Variants in TRPC6 observed in about 807,000 individuals in gnomAD.
TRPC6 encodes short transient receptor potential channel 6.
Under a neutral mutation model 90.7 loss-of-function variants are expected in TRPC6, and 55 were observed. The observed-to-expected ratio is 0.61, with a 90% CI of 0.49 to 0.76. The LOEUF (loss-of-function observed/expected upper bound fraction) is 0.76. Among genes scored for constraint, TRPC6 ranks in the 30% least tolerant of loss-of-function variants. The pLI, the probability that TRPC6 is intolerant of heterozygous loss-of-function variation, is 0.00. For synonymous variants in TRPC6, 393 were observed against 393.0 expected (o/e 1.00, Z 0.00); for missense variants, 989 against 1,122.7 (o/e 0.88, Z 1.70).
intron 1 of TRPC6, among the ~76,000 whole-genome samples, chr11:101,575,698 G>A (rs568632108): frequency 6.6e-6 from 1 of 152,294 alleles, no homozygotes; most frequent in South Asian, 2.1e-4. Flanking sequence ...AATGAAAGAA[G>A]TGAGATATAA....
chr11:101,508,930 A>C (rs1175776090), intron 1 of TRPC6, among the ~76,000 whole-genome samples: 1 of 152,160 alleles, frequency 6.6e-6, no homozygotes, highest in East Asian at 1.9e-4. Context: ...TTCAGAGGTA[A>C]TTGAAATTAT....
Position 101,453,047 on chromosome 11 carries a change from T to C in TRPC6, c.2704A>G (p.Lys902Glu). 2 of 1,613,952 alleles carry C rather than the reference T, an allele frequency of 1.2e-6. No homozygotes were observed. The highest frequency in any genetic ancestry group is 1.1e-5 in the South Asian group (1 of 91,086). ...SSLRYELLEE[K>E]SQNTEDLAEL... Reference sequence around the variant, plus strand: ...GCTAGGTCTTCTGTATTCTGAGATTTTTCTTCAAGGAGTTCATAGCGGAGA... The same window carrying C: ...GCTAGGTCTTCTGTATTCTGAGATTCTTCTTCAAGGAGTTCATAGCGGAGA... Residue 902 changes from lysine to glutamate, a missense_variant, in exon 13 of 13, where the codon AAA becomes GAA. Physicochemically the swap from Lys to Glu is moderately conservative, Grantham distance 56 (BLOSUM62 1). Coordinates refer to ENST00000344327, the MANE Select transcript of TRPC6 (RefSeq NM_004621.6).
intron 12 of TRPC6, 98 bp downstream of exon 12, chr11:101,453,552 T>G: frequency 8.6e-7 from 1 of 1,167,338 alleles, no homozygotes; most frequent in Non-Finnish European, 1.3e-6. Context: ...TGAAGTTCAC[T>G]CTCCCTGTAC....
intron 2 of TRPC6, 69 bp downstream of exon 2, chr11:101,503,955 G>A: frequency 6.3e-7 from 1 of 1,591,772 alleles, no homozygotes; most frequent in Non-Finnish European, 8.6e-7. Flanking sequence ...CTGAGCACAT[G>A]GGGGAAGCTG....
rs865876928 is a variant in TRPC6 at position 101,548,987 on chromosome 11, G to A, written c.170+34347C>T. On this transcript the variant is annotated intron_variant, in intron 1 of 12. Transcript: ENST00000344327. The stretch of plus-strand genomic sequence containing the variant: ...GTACCAAGGGTAGGGTTCATGCAGA[G>A]AGACTGACATTTTCCCTTTGTATCC... Among the ~76,000 whole-genome samples the A allele has an allele frequency of 6.6e-5, 10 of 151,730 alleles. 1 individual carries two copies. The South Asian group carries it at 1.9e-3, about 28-fold the overall frequency.
In TRPC6 at chr11:101,473,615, A is replaced by G; in HGVS notation, c.1903T>C (p.Phe635Leu). Residue 635 changes from phenylalanine to leucine, a missense_variant, in exon 7 of 13, where the codon TTC (phenylalanine) becomes CTC (leucine). Phe to Leu is a conservative substitution (Grantham distance 22, BLOSUM62 0). Coordinates refer to ENST00000344327, the MANE Select transcript of TRPC6 (RefSeq NM_004621.6). ...ISLGRTVKDI[F>L]KFMVIFIMVF... The stretch of plus-strand genomic sequence containing the variant: ...ATAATGAATATGACCATGAACTTGA[A>G]GATGTCTTTGACTGTTCTTCCAAGT... The G allele has an allele frequency of 6.2e-7, 1 of 1,613,822 alleles. No individual in the cohort carries two copies. The highest frequency in any genetic ancestry group is 8.5e-7 in the Non-Finnish European group (1 of 1,179,802).
intron 7 of TRPC6, among the ~76,000 whole-genome samples, chr11:101,472,717 T>A (rs1357905386): frequency 1.3e-5 from 2 of 152,100 alleles, no homozygotes; most frequent in Non-Finnish European, 2.9e-5. Context: ...ATCATATACA[T>A]CTTAATGGAA....
intron 1 of TRPC6, among the ~76,000 whole-genome samples, chr11:101,533,961 T>G (rs1860973758): frequency 6.6e-6 from 1 of 152,166 alleles, no homozygotes; most frequent in Non-Finnish European, 1.5e-5. Context: ...TATTAATACG[T>G]TCCTTGATGC....
At chr11:101,521,073 G>T (rs891021835) in intron 1 of TRPC6, among the ~76,000 whole-genome samples, 1 of 152,220 alleles carries the variant, frequency 6.6e-6, no homozygotes, top group African/African-American at 2.4e-5. Flanking sequence ...GCTGGCTGCA[G>T]AAATTTGCAT....
At chr11:101,518,695 C>T (rs1050035745) in intron 1 of TRPC6, among the ~76,000 whole-genome samples, 1 of 152,128 alleles carries the variant, frequency 6.6e-6, no homozygotes, top group African/African-American at 2.4e-5. Flanking sequence ...TGGGTATATA[C>T]ACAAAAGAAA....
intron 1 of TRPC6, among the ~76,000 whole-genome samples, chr11:101,578,882 ACTCT>A (rs1303741232): frequency 1.3e-5 from 2 of 151,608 alleles, no homozygotes; most frequent in Non-Finnish European, 2.9e-5. Context: ...GAATTTTAAA[ACTCT>A]CTCATTCAAA....
At chr11:101,491,432 T>TA (rs1859805345) in intron 3 of TRPC6, 124 bp downstream of exon 3, 1 of 1,197,008 alleles carries the variant, frequency 8.4e-7, no homozygotes. Context: ...AGACTCCATC[T>TA]CAAAAAAAAA....
intron 1 of TRPC6, among the ~76,000 whole-genome samples, chr11:101,534,875 A>C (rs1861000251): frequency 6.6e-6 from 1 of 152,172 alleles, no homozygotes; most frequent in Non-Finnish European, 1.5e-5. Context: ...AAATGAACAC[A>C]AACTGGGCTG....
At chr11:101,508,635 A>C (rs936740287) in intron 1 of TRPC6, among the ~76,000 whole-genome samples, 1 of 152,144 alleles carries the variant, frequency 6.6e-6, no homozygotes, top group African/African-American at 2.4e-5. Context: ...GACAAGAGGA[A>C]GTTCAAAGAT....
At chr11:101,494,212 G>T (rs1400430525) in intron 2 of TRPC6, among the ~76,000 whole-genome samples, 1 of 152,072 alleles carries the variant, frequency 6.6e-6, no homozygotes, top group Non-Finnish European at 1.5e-5. Flanking sequence ...TTACGACTTG[G>T]TAGTTTAGAG....
chr11:101,509,139 T>TTTC (rs2136753694), intron 1 of TRPC6, among the ~76,000 whole-genome samples: 1 of 152,000 alleles, frequency 6.6e-6, no homozygotes, highest in East Asian at 1.9e-4. Flanking sequence ...TCTTTTTCTT[T>TTTC]TTTTTTTGAG....
At chr11:101,555,519 G>C (rs1861543884) in intron 1 of TRPC6, among the ~76,000 whole-genome samples, 1 of 152,174 alleles carries the variant, frequency 6.6e-6, no homozygotes, top group Non-Finnish European at 1.5e-5. Context: ...CCGCATCCTG[G>C]TATGAATACC....
Position 101,504,625 on chromosome 11 carries a change from C to T in TRPC6, c.344G>A (p.Arg115Gln), listed in dbSNP as rs750792087. ...AAEYGNIPVV[R>Q]KMLEECHSLN... The stretch of plus-strand genomic sequence containing the variant: ...TGAGTGGCATTCTTCTAACATCTTC[C>T]GCACCACTGGGATGTTACCATATTC... The change falls in exon 2 of 13, where the codon CGG becomes CAG. Residue 115 changes from arginine to glutamine, a missense_variant. By Grantham distance (43) the Arg-to-Gln change is conservative. Around this residue, in one of 4 missense-constraint regions of TRPC6, gnomAD observed 486 missense variants for 591.9 expected, o/e 0.82. Transcript: ENST00000344327. The T allele has an allele frequency of 1.3e-5, 21 of 1,613,042 alleles. No homozygotes were observed. The highest frequency in any genetic ancestry group is 1.6e-4 in the Middle Eastern group (1 of 6,082).
chr11:101,513,473 T>C (rs1860443534), intron 1 of TRPC6, among the ~76,000 whole-genome samples: 1 of 152,124 alleles, frequency 6.6e-6, no homozygotes, highest in Admixed American at 6.5e-5. Flanking sequence ...AACTTATACA[T>C]GTAAAACACA....
Sources: allele counts gnomAD v4.1 joint callset (sites outside exome capture counted in the v4.1 genomes callset), GRCh38; gene constraint gnomAD v4.1.1; regional missense constraint gnomAD v4.1.1; transcripts MANE v1.5; gene names NCBI Gene and HGNC (gene_info 2026-07-23, HGNC 2026-07-21).